Variants in SLC39A14 observed in about 807,000 individuals in gnomAD.
SLC39A14 encodes metal cation symporter ZIP14.
Under a neutral mutation model 45.5 loss-of-function variants are expected in SLC39A14, and 19 were observed. The observed-to-expected ratio is 0.42, with a 90% confidence interval of 0.29 to 0.61. The LOEUF is 0.61. Among genes scored for constraint, SLC39A14 ranks in the 20% least tolerant of loss-of-function variants. The probability of loss-of-function intolerance (pLI) is 0.22; values close to 1 mark genes in which losing one functional copy is unlikely to be tolerated. For synonymous variants in SLC39A14, 264 were observed against 251.3 expected (o/e 1.05, Z -0.48); for missense variants, 447 against 616.5 (o/e 0.73, Z 2.91).
rs1324799696 is a variant in SLC39A14, at chr8:22,392,688, T to TCCCGGGTCCCTG, written c.-15-12004_-15-11993dup. ...ACACCGGCTGGCCACTGTGGGCCCT[T>TCCCGGGTCCCTG]CCCGGGTCCCTGCCCACCTGACTCA... On this transcript the variant is annotated intron_variant, in intron 1 of 8. Coordinates refer to ENST00000381237, the MANE Select transcript of SLC39A14 (RefSeq NM_001128431.4). 2.0e-5 allele frequency: 3 copies of TCCCGGGTCCCTG among 152,256 alleles called. 1 individual carries two copies. The highest frequency in any genetic ancestry group is 6.5e-5 in the Admixed American group (1 of 15,272). The allele number at this position is 152,256 out of a possible 1,614,324, so 9.4% of individuals were successfully genotyped here. A position where few individuals can be genotyped will look rare whatever the true frequency, so the allele number is the denominator to read the frequency against.
intron 3 of SLC39A14, chr8:22,410,059 A>T: frequency 1.2e-6 from 2 of 1,613,964 alleles, no homozygotes; most frequent in Non-Finnish European, 1.7e-6. Flanking sequence ...CACTTACTTC[A>T]TCGCCCTGTC....
chr8:22,378,472 C>T (rs1457956525), intron 1 of SLC39A14, among the ~76,000 whole-genome samples: 5 of 152,160 alleles, frequency 3.3e-5, no homozygotes, highest in Admixed American at 6.5e-5. Context: ...TCCCCTGCCC[C>T]CTCACCCCTA....
At chr8:22,423,466 G>T (rs537717756), downstream of SLC39A14, among the ~76,000 whole-genome samples, 89 of 152,042 alleles carry the variant, frequency 5.9e-4, no homozygotes, top group African/African-American at 2.1e-3. Flanking sequence ...CTCCCGAGTA[G>T]CTGGGACTAC....
chr8:22,414,445 T>C (rs1156298781), intron 4 of SLC39A14, among the ~76,000 whole-genome samples: 4 of 152,234 alleles, frequency 2.6e-5, no homozygotes, highest in African/African-American at 7.2e-5. Flanking sequence ...ATATGAAATC[T>C]ATTGGCAGAG....
chr8:22,414,623 C>T (rs1484102574), intron 4 of SLC39A14, among the ~76,000 whole-genome samples, 157 bp from the exon 5 acceptor site: 1 of 152,142 alleles, frequency 6.6e-6, no homozygotes, highest in Non-Finnish European at 1.5e-5. Flanking sequence ...ACACCAAGGA[C>T]TAGATTTTTG....
At chr8:22,371,414 C>CTTTTTTTTTTTTTTTTT (rs373230777) in intron 1 of SLC39A14, among the ~76,000 whole-genome samples, 2 of 120,052 alleles carry the variant, frequency 1.7e-5, no homozygotes, top group Non-Finnish European at 4.0e-5. Context: ...AAATACATGT[C>CTTTTTTTTTTTTTTTTT]TTTTTTTTTT....
intron 3 of SLC39A14, 29 bp from the exon 4 acceptor site, chr8:22,412,008 G>GT: frequency 6.5e-7 from 1 of 1,542,174 alleles, no homozygotes; most frequent in Non-Finnish European, 8.7e-7. Flanking sequence ...CCTGCCCTGG[G>GT]TGGGGCTGGC....
intron 1 of SLC39A14, among the ~76,000 whole-genome samples, chr8:22,369,566 G>A (rs7008597): frequency 0.13 from 19,707 of 152,220 alleles, 4,077 homozygotes; most frequent in African/African-American, 0.43. Context: ...GCATCCACGG[G>A]TGAAGAACAA....
At chr8:22,431,070 C>T (rs150925531) in intron 8 of SLC39A14, among the ~76,000 whole-genome samples, 35 of 151,880 alleles carry the variant, frequency 2.3e-4, no homozygotes, top group Admixed American at 1.2e-3. Context: ...TCATTGCAAC[C>T]TCTGCCTCCT....
intron 1 of SLC39A14, chr8:22,393,242 A>G (rs958257269): frequency 2.0e-6 from 2 of 985,732 alleles, no homozygotes; most frequent in Non-Finnish European, 2.4e-6. Context: ...GGTATGGAGG[A>G]GAGCAGTAGG....
At chr8:22,410,186 C>G (rs888117896) in intron 3 of SLC39A14, 17 of 1,525,694 alleles carry the variant, frequency 1.1e-5, no homozygotes, top group Non-Finnish European at 1.5e-5. Flanking sequence ...CCCTCCTCCC[C>G]TACCCTGGGC....
Position 22,421,996 on chromosome 8 carries a change from G to C in SLC39A14, c.*2298G>C, listed in dbSNP as rs1000126791. ...GTCGGAGCTTAGGAGGGGCGGAGAC[G>C]CTCACATCGTCTGACTTGAGTCGCC... On this transcript the variant is annotated 3_prime_UTR_variant, in exon 9 of 9. Coordinates refer to ENST00000381237, the MANE Select transcript of SLC39A14 (RefSeq NM_001128431.4). 1 of 985,430 alleles carries C rather than the reference G, an allele frequency of 1.0e-6. No individual in the cohort carries two copies. The highest frequency in any genetic ancestry group is 1.7e-5 in the African/African-American group (1 of 57,366). The allele number at this position is 985,430 out of a possible 1,614,324, so 61.0% of individuals were successfully genotyped here.
chr8:22,393,316 G>C, intron 1 of SLC39A14: 3 of 874,484 alleles, frequency 3.4e-6, no homozygotes, highest in Non-Finnish European at 4.1e-6. Context: ...GGCCAAGCGA[G>C]GGTTGGTTTT....
At chr8:22,412,355 G>T (rs1835622460) in intron 4 of SLC39A14, 149 bp downstream of exon 4, 2 of 822,134 alleles carry the variant, frequency 2.4e-6, no homozygotes, top group Non-Finnish European at 3.7e-6. Context: ...AGGAGAGGCA[G>T]CCCAGCATAG....
rs929223730 is a variant in SLC39A14 at position 22,433,433 on chromosome 8, T to C, written c.1333-458T>C. ...ATTCACAGGCAAGAAAATAGTGTAA[T>C]ATGACCTCAAACTCCTGGGCTCAAT... On this transcript the variant is annotated intron_variant, in intron 8 of 8. Transcript: ENST00000240095. 4.0e-5 allele frequency among the ~76,000 whole-genome samples: 6 copies of C among 150,954 alleles called. 1 individual carries two copies. The highest frequency in any genetic ancestry group is 2.0e-4 in the Admixed American group (3 of 15,176).
chr8:22,405,225 G>A (rs1338948735), intron 2 of SLC39A14, among the ~76,000 whole-genome samples: 2 of 152,200 alleles, frequency 1.3e-5, no homozygotes, highest in Non-Finnish European at 2.9e-5. Flanking sequence ...ACAAAAGGCA[G>A]CCTGGGGCTG....
chr8:22,379,681 A>G (rs1833395208), intron 1 of SLC39A14, among the ~76,000 whole-genome samples: 1 of 152,242 alleles, frequency 6.6e-6, no homozygotes. Context: ...CTGTAATCCC[A>G]GCACTTTGGG....
chr8:22,433,945 C>T, exon 9 of SLC39A14: 1 of 438,330 alleles, frequency 2.3e-6, no homozygotes, highest in Non-Finnish European at 4.6e-6. Context: ...TCTCAGCTCA[C>T]TGCAACCTCT....
intron 1 of SLC39A14, among the ~76,000 whole-genome samples, chr8:22,376,795 T>A (rs1393526462): frequency 1.3e-5 from 2 of 151,958 alleles, no homozygotes; most frequent in South Asian, 4.1e-4. Context: ...GGAGAATCGC[T>A]TGAACCTGGG....
Sources: gnomAD v4.1 joint callset for allele counts (sites outside exome capture counted in the v4.1 genomes callset) on GRCh38, gnomAD v4.1.1 for gene constraint, MANE v1.5 for transcripts, NCBI Gene and HGNC (gene_info 2026-07-23, HGNC 2026-07-21) for gene names.